Variants in SLC38A9 observed in about 807,000 individuals in gnomAD.
SLC38A9 encodes neutral amino acid transporter 9.
A neutral mutation model predicts 62.3 loss-of-function variants in SLC38A9; 48 were observed. The observed-to-expected ratio is 0.77, with a 90% CI of 0.61 to 0.98. The LOEUF is 0.98. Among genes scored for constraint, SLC38A9 ranks in the 50% least tolerant of loss-of-function variants. The pLI, the probability that SLC38A9 is intolerant of heterozygous loss-of-function variation, is 0.00. For synonymous variants in SLC38A9, 204 were observed against 227.7 expected (o/e 0.90, Z 0.94); for missense variants, 541 against 679.8 (o/e 0.80, Z 2.27).
intron 2 of SLC38A9, among the ~76,000 whole-genome samples, chr5:55,710,757 A>G (rs1757917244): frequency 6.6e-6 from 1 of 151,784 alleles, no homozygotes; most frequent in South Asian, 2.1e-4. Flanking sequence ...CTGGGACTGC[A>G]GGCATGTGCC....
intron 14 of SLC38A9, among the ~76,000 whole-genome samples, chr5:55,630,337 A>G (rs1189146823): frequency 6.6e-6 from 1 of 151,812 alleles, no homozygotes; most frequent in African/African-American, 2.4e-5. Context: ...TTTTTTTTTG[A>G]GATGGAGTCT....
At chr5:55,678,804 G>A (rs1028772642) in intron 3 of SLC38A9, among the ~76,000 whole-genome samples, 7 of 151,706 alleles carry the variant, frequency 4.6e-5, no homozygotes, top group African/African-American at 1.7e-4. Context: ...GGGACTACAG[G>A]CATGTGCCAC....
intron 8 of SLC38A9, among the ~76,000 whole-genome samples, chr5:55,659,700 T>A (rs1050267329): frequency 7.9e-5 from 12 of 151,862 alleles, no homozygotes; most frequent in South Asian, 2.1e-4. Flanking sequence ...AAAGCTTTTT[T>A]AATTCACAGA....
intron 9 of SLC38A9, among the ~76,000 whole-genome samples, 189 bp from the exon 10 acceptor site, chr5:55,652,912 T>C (rs147563926): frequency 2.4e-4 from 36 of 152,280 alleles, no homozygotes; most frequent in African/African-American, 8.7e-4. Context: ...CTCTTTCACC[T>C]AAAAATAAAT....
intron 14 of SLC38A9, among the ~76,000 whole-genome samples, chr5:55,631,076 T>C (rs1360198645): frequency 6.6e-6 from 1 of 152,130 alleles, no homozygotes; most frequent in Admixed American, 6.6e-5. Context: ...GGGGTTGCAG[T>C]GAGCCAAGAT....
chr5:55,708,481 CT>C (rs1757583365), intron 2 of SLC38A9, among the ~76,000 whole-genome samples: 1 of 152,214 alleles, frequency 6.6e-6, no homozygotes, highest in Admixed American at 6.5e-5. Flanking sequence ...CCTTTCCATA[CT>C]AGGCTCAGAA....
rs114690649 is a variant in SLC38A9, at chr5:55,629,820, C to A, written c.1431-1840G>T. On this transcript the variant is annotated intron_variant, in intron 14 of 15. Transcript: ENST00000396865. ...TTTTGGAAAACTTGTATTTGCTACCCTGAGCTTGACAGTTTCCCAATGTTT... is the reference window on the plus strand; with the variant it reads ...TTTTGGAAAACTTGTATTTGCTACCATGAGCTTGACAGTTTCCCAATGTTT... 6.3e-3 allele frequency among the ~76,000 whole-genome samples: 959 copies of A among 152,284 alleles called. 10 individuals carry two copies. The highest frequency in any genetic ancestry group is 0.022 in the African/African-American group (930 of 41,554).
intron 3 of SLC38A9, among the ~76,000 whole-genome samples, chr5:55,695,119 T>A (rs1274074516): frequency 6.9e-6 from 1 of 145,558 alleles, no homozygotes; most frequent in South Asian, 2.3e-4. Context: ...ATCAGAGTTA[T>A]GGGCAGCAGT....
intron 3 of SLC38A9, among the ~76,000 whole-genome samples, chr5:55,697,524 C>T (rs1239507299): frequency 6.6e-6 from 1 of 151,712 alleles, no homozygotes; most frequent in African/African-American, 2.4e-5. Context: ...ACTCTTCTAC[C>T]TCGAGCACTT....
intron 3 of SLC38A9, among the ~76,000 whole-genome samples, chr5:55,681,961 A>C (rs1031564132): frequency 1.3e-5 from 2 of 152,150 alleles, no homozygotes; most frequent in Non-Finnish European, 2.9e-5. Context: ...CACAAAGCCT[A>C]AAGTATTTAC....
chr5:55,678,731 GCTCA>G (rs1752591264), intron 3 of SLC38A9, among the ~76,000 whole-genome samples: 3 of 129,114 alleles, frequency 2.3e-5, no homozygotes. Context: ...ATGATCATTG[GCTCA>G]CTATTACCTT....
intron 3 of SLC38A9, among the ~76,000 whole-genome samples, chr5:55,693,617 T>A (rs547654670): frequency 6.6e-6 from 1 of 152,338 alleles, no homozygotes; most frequent in East Asian, 1.9e-4. Context: ...TGGATTAAAA[T>A]TTGAAGACTA....
chr5:55,652,763 A>AG, intron 9 of SLC38A9, 40 bp from the exon 10 acceptor site: 1 of 1,432,030 alleles, frequency 7.0e-7, no homozygotes, highest in Non-Finnish European at 9.4e-7. Flanking sequence ...GATGACAAAA[A>AG]ACAAAACAAA....
chr5:55,656,281 A>G (rs946276758), intron 9 of SLC38A9, among the ~76,000 whole-genome samples: 7 of 151,924 alleles, frequency 4.6e-5, no homozygotes, highest in African/African-American at 1.7e-4. Flanking sequence ...TTATTACTAG[A>G]AAATGAATTC....
chr5:55,655,456 C>G (rs986613686), intron 9 of SLC38A9, among the ~76,000 whole-genome samples: 1 of 151,970 alleles, frequency 6.6e-6, no homozygotes, highest in Non-Finnish European at 1.5e-5. Flanking sequence ...TTATTTGATC[C>G]TTTGAAAATT....
At chr5:55,670,708 A>C (rs183557397) in intron 4 of SLC38A9, among the ~76,000 whole-genome samples, 3 of 152,336 alleles carry the variant, frequency 2.0e-5, no homozygotes, top group Admixed American at 6.5e-5. Flanking sequence ...ATGCAGGTAT[A>C]AACTTGCTCA....
chr5:55,658,624 A>G (rs1370815920), intron 8 of SLC38A9, among the ~76,000 whole-genome samples: 2 of 152,222 alleles, frequency 1.3e-5, no homozygotes, highest in African/African-American at 4.8e-5. Context: ...TTAGAGCCTT[A>G]GGAGGGACCA....
rs1187030648 is a variant in SLC38A9 at position 55,650,894 on chromosome 5, C to T, written c.953-1580G>A. On this transcript the variant is annotated intron_variant, in intron 10 of 15. Transcript: ENST00000396865. The stretch of plus-strand genomic sequence containing the variant: ...GCAACCTCCGCCTCCTGGGTTTAAG[C>T]AGTTCTCCTGCCTCAGCCTCCCGAG... Among the ~76,000 whole-genome samples the T allele has an allele frequency of 2.6e-5, 4 of 152,236 alleles. No individual in the cohort carries two copies. The East Asian group carries it at 7.7e-4, about 29-fold the overall frequency.
At chr5:55,653,483 G>A (rs985037525) in intron 9 of SLC38A9, among the ~76,000 whole-genome samples, 6 of 152,038 alleles carry the variant, frequency 3.9e-5, no homozygotes, top group Admixed American at 3.9e-4. Context: ...AAAATCTATG[G>A]GTTTGGAATA....
Sources: allele counts gnomAD v4.1 joint callset (sites outside exome capture counted in the v4.1 genomes callset), GRCh38; gene constraint gnomAD v4.1.1; transcripts MANE v1.5; gene names NCBI Gene and HGNC (gene_info 2026-07-23, HGNC 2026-07-21).